Variants in TBRG4 observed in about 807,000 individuals in gnomAD.
TBRG4 encodes the protein transforming growth factor beta regulator 4.
In TBRG4, 43 loss-of-function variants were observed where a neutral mutation model predicts 65.6. The observed-to-expected ratio is 0.66, with a 90% confidence interval of 0.51 to 0.85. The LOEUF is 0.85. Among genes scored for constraint, TBRG4 ranks in the 40% least tolerant of loss-of-function variants. The pLI is 0.00. For synonymous variants in TBRG4, 366 were observed against 341.4 expected, an observed-to-expected ratio of 1.07 and a Z score of -0.79; for missense variants, 709 against 787.9, an observed-to-expected ratio of 0.90 and a Z score of 1.20.
At position 45,111,696 on chromosome 7, in the gene TBRG4, A is replaced by C. The variant is rs1292628878; in HGVS notation, c.-104T>G. On this transcript the variant is annotated 5_prime_UTR_variant, in exon 1 of 11. It removes an upstream start codon present in the reference 5' UTR. Transcript: ENST00000258770. ...CGCCGCCCTAACTGTCCCCGGAACC[A>C]TGAGGTGCGCGGCGCGCTTCCCTAC... 1.9e-5 allele frequency: 25 copies of C among 1,289,170 alleles called. No individual in the cohort carries two copies. The highest frequency in any genetic ancestry group is 2.5e-5 in the Non-Finnish European group (25 of 988,826). 79.9% of individuals were successfully genotyped at this position (1,289,170 alleles called of 1,614,324 possible). A position where few individuals can be genotyped will look rare whatever the true frequency, so the allele number is the denominator to read the frequency against.
chr7:45,104,420 T>C lies in TBRG4; in HGVS notation c.907+118A>G, dbSNP rs544253942. 3.2e-6 allele frequency: 5 copies of C among 1,581,704 alleles called. No individual in the cohort carries two copies. The African/African-American group carries it at 6.7e-5, about 21-fold the overall frequency. On this transcript the variant is annotated intron_variant, in intron 4 of 10. Coordinates refer to ENST00000258770, the MANE Select transcript of TBRG4 (RefSeq NM_004749.4). ...GGGCCCATGAGTCACAGTGTTTCTG[T>C]GGCAGCCTTCTGGGCCAGTGCCTAC...
intron 1 of TBRG4, among the ~76,000 whole-genome samples, chr7:45,109,769 G>A (rs1785074779): frequency 6.6e-6 from 1 of 152,132 alleles, no homozygotes. Context: ...TTGAGGTCAG[G>A]AGTTTGAGAC....
At chr7:45,105,897 A>G in intron 2 of TBRG4, 133 bp from the exon 3 acceptor site, 1 of 1,135,128 alleles carries the variant, frequency 8.8e-7, no homozygotes, top group South Asian at 1.3e-5. Context: ...TCAGTTCCCC[A>G]CTCCATTGTA....
At chr7:45,104,895 T>C (rs2289376) in intron 3 of TBRG4, 186 bp from the exon 4 acceptor site, 464,908 of 982,148 alleles carry the variant, frequency 0.47, 114,599 homozygotes, top group African/African-American at 0.71. Context: ...AGGGAACCCC[T>C]GGACCTGGAG....
chr7:45,101,250 G>A lies in TBRG4; in HGVS notation c.1794+8C>T, dbSNP rs779593063. 2 of 1,611,638 alleles carry A rather than the reference G, an allele frequency of 1.2e-6. No individual in the cohort carries two copies. Among genetic ancestry groups the A allele is most frequent in the South Asian group, 2.2e-5 (2 of 90,914 alleles). ...TGTGCAGTGACCACCTGCCCAAGAG[G>A]TACTCACGTCCACTATCAGGAAGCC... is the stretch of plus-strand genomic sequence containing the variant. On this transcript the variant is annotated splice_region_variant and intron_variant, in intron 10 of 10. Coordinates refer to ENST00000258770, the MANE Select transcript of TBRG4 (RefSeq NM_004749.4).
rs372540143 is a variant in TBRG4, at chr7:45,105,592, G to A, written c.584C>T (p.Ser195Leu). The part of the protein sequence containing the change: ...AFLAESCATL[S>L]QEQHSQELLA... ...CAGCTCCTGCGAGTGCTGCTCCTGT[G>A]AGAGGGTGGCACAGGACTCTGCCAG... The change falls in exon 3 of 11, where the codon TCA becomes TTA. Residue 195 changes from serine to leucine, a missense_variant. Physicochemically the swap from Ser to Leu is moderately radical, Grantham distance 145 (BLOSUM62 -2). Coordinates refer to ENST00000258770, the MANE Select transcript of TBRG4 (RefSeq NM_004749.4). 1.5e-5 allele frequency: 25 copies of A among 1,614,186 alleles called. No homozygotes were observed. The highest frequency in any genetic ancestry group is 2.0e-5 in the Non-Finnish European group (24 of 1,180,046).
rs372855977 is a variant in TBRG4 at position 45,104,517 on chromosome 7, C to T, written c.907+21G>A. Reference sequence around the variant, plus strand: ...AGGGCCAGCGCTCCCCTCTCTCCACCGTTCTGTCCAAAGGGCTCACCATAG... The same window carrying T: ...AGGGCCAGCGCTCCCCTCTCTCCACTGTTCTGTCCAAAGGGCTCACCATAG... On this transcript the variant is annotated intron_variant, in intron 4 of 10. Coordinates refer to ENST00000258770, the MANE Select transcript of TBRG4 (RefSeq NM_004749.4). 37 of 1,613,684 alleles carry T rather than the reference C, an allele frequency of 2.3e-5. No individual in the cohort carries two copies. The African/African-American group carries it at 3.5e-4, about 15-fold the overall frequency.
rs1167569299 is a variant in TBRG4, at chr7:45,101,996, G to C, written c.1396C>G (p.Pro466Ala). 3 of 1,575,876 alleles carry C rather than the reference G, an allele frequency of 1.9e-6. No individual in the cohort carries two copies. The highest frequency in any genetic ancestry group is 2.6e-6 in the Non-Finnish European group (3 of 1,163,794). The stretch of plus-strand genomic sequence containing the variant: ...GGCAGAAGGGGACCCGAGTACTCGG[G>C]GTACTCCAGCAGGGCAGTGGCGTTG... ...HINATALLEY[P>A]EYSGPLLPAS... The change falls in exon 8 of 11, where the codon CCC becomes GCC. Residue 466 changes from proline (P) to alanine (A), a missense_variant. Transcript: ENST00000258770.
chr7:45,105,915 C>G (rs1311650960), intron 2 of TBRG4, 151 bp from the exon 3 acceptor site: 6 of 1,037,458 alleles, frequency 5.8e-6, no homozygotes, highest in Non-Finnish European at 5.9e-6. Flanking sequence ...GTAACAGGGC[C>G]CCAGTGCCTG....
Position 45,105,478 on chromosome 7 carries a change from T to C in TBRG4, c.698A>G (p.His233Arg). 1 of 1,612,254 alleles carries C rather than the reference T, an allele frequency of 6.2e-7. No individual in the cohort carries two copies. Among genetic ancestry groups the C allele is most frequent in the Non-Finnish European group, 8.5e-7 (1 of 1,178,834 alleles). ...TLVTVMMKVG[H>R]LSEPLMNRLE... The stretch of plus-strand genomic sequence containing the variant: ...GCGGTTCATTAGTGGCTCCGAGAGG[T>C]GTCCCACCTTCATCATGACGGTCAC... Residue 233 changes from histidine (H) to arginine (R), a missense_variant, in exon 3 of 11, where the codon CAC (histidine) becomes CGC (arginine). By Grantham distance (29) the His-to-Arg change is conservative. Coordinates refer to ENST00000258770, the MANE Select transcript of TBRG4 (RefSeq NM_004749.4).
At chr7:45,102,732 G>A in intron 6 of TBRG4, 1 of 543,910 alleles carries the variant, frequency 1.8e-6, no homozygotes, top group South Asian at 2.7e-5. Flanking sequence ...GAGTGCTGCT[G>A]AATGCTGGCA....
rs750473862 is a variant in TBRG4 at position 45,105,556 on chromosome 7, A to T, written c.620T>A (p.Leu207Gln). 1 of 1,614,168 alleles carries T rather than the reference A, an allele frequency of 6.2e-7. No homozygotes were observed. The highest frequency in any genetic ancestry group is 8.5e-7 in the Non-Finnish European group (1 of 1,180,038). ...CCAACGCCTTTCCAGGTGTGTGAGC[A>T]GCTCAGCCAGCAGCTCCTGCGAGTG... ...EQHSQELLAE[L>Q]LTHLERRWTE... The change falls in exon 3 of 11, where the codon CTG (leucine) becomes CAG (glutamine). Residue 207 changes from leucine to glutamine, a missense_variant. By Grantham distance (113) the Leu-to-Gln change is moderately radical (BLOSUM62 -2). Transcript: ENST00000258770.
Position 45,109,223 on chromosome 7 carries a change from C to T in TBRG4, c.15G>A (p.Leu5=), listed in dbSNP as rs767154402. MAAH[L]VKRCTCLLRE... is the part of the protein sequence containing the mutation. ...TCAGGAGGCACGTGCATCGCTTTAC[C>T]AGGTGAGCTGCCATGATGTCCTGGG... Residue 5 remains leucine (L), a synonymous_variant, in exon 2 of 11, where the codon CTG becomes CTA. Transcript: ENST00000258770. 5 of 1,598,126 alleles carry T rather than the reference C, an allele frequency of 3.1e-6. No homozygotes were observed. The Admixed American group carries it at 8.7e-5, about 28-fold the overall frequency.
Position 45,106,402 on chromosome 7 carries a change from A to G in TBRG4, c.412-638T>C, listed in dbSNP as rs1784956975. ...CAAGTAAAGCTGTCAAATCAATACA[A>G]GAGGTCAGAGAAAAAGTTGAGCCTG... On this transcript the variant is annotated intron_variant, in intron 2 of 10. Transcript: ENST00000258770. The G allele has an allele frequency of 4.2e-5, 7 of 165,346 alleles. No homozygotes were observed. The South Asian group carries it at 1.1e-3, about 26-fold the overall frequency. The allele number at this position is 165,346 out of a possible 1,614,324, so 10.2% of individuals were successfully genotyped here.
intron 10 of TBRG4, 119 bp downstream of exon 10, chr7:45,101,138 GC>G: frequency 1.1e-6 from 1 of 927,438 alleles, no homozygotes. Context: ...CCTGGGAGAG[GC>G]CCGGGGCCAC....
chr7:45,104,919 C>G lies in TBRG4; in HGVS notation c.736-210G>C, dbSNP rs759924107. ...CTGGACCTGGAGCACTGTCCACAGC[C>G]AAACTTATCCCCAGGTCCCAGGGTA... On this transcript the variant is annotated intron_variant, in intron 3 of 10. Coordinates refer to ENST00000258770, the MANE Select transcript of TBRG4 (RefSeq NM_004749.4). 3.5e-6 allele frequency: 3 copies of G among 848,124 alleles called. No individual in the cohort carries two copies. The Admixed American group carries it at 5.1e-5, about 14-fold the overall frequency. 52.5% of individuals were successfully genotyped at this position (848,124 alleles called of 1,614,324 possible).
chr7:45,103,781 C>T (rs1405730259), intron 5 of TBRG4: 2 of 511,222 alleles, frequency 3.9e-6, no homozygotes, highest in South Asian at 2.6e-5. Flanking sequence ...TTCCACTTTG[C>T]GAGGGGGATC....
At chr7:45,109,714 C>T (rs546407095) in intron 1 of TBRG4, among the ~76,000 whole-genome samples, 5 of 152,170 alleles carry the variant, frequency 3.3e-5, no homozygotes, top group Non-Finnish European at 5.9e-5. Flanking sequence ...TGGTGGCTCA[C>T]GCCTGTAATC....
chr7:45,111,622 TC>T lies in TBRG4; in HGVS notation c.-51+20del, dbSNP rs1562939551. On this transcript the variant is annotated intron_variant, in intron 1 of 10. Transcript: ENST00000258770. ...GAAACCCACGATCAGCCGCCCCTTCTCCCCGTGCCACAAGACCTACGCAGCG... is the reference window on the plus strand; with the variant it reads ...GAAACCCACGATCAGCCGCCCCTTCTCCCGTGCCACAAGACCTACGCAGCG... The T allele has an allele frequency of 1.2e-5, 15 of 1,288,918 alleles. No homozygotes were observed. The highest frequency in any genetic ancestry group is 1.5e-5 in the Non-Finnish European group (15 of 988,754). The allele number at this position is 1,288,918 out of a possible 1,614,324, so 79.8% of individuals were successfully genotyped here.
Sources: allele counts gnomAD v4.1 joint callset (sites outside exome capture counted in the v4.1 genomes callset), GRCh38; gene constraint gnomAD v4.1.1; transcripts MANE v1.5; gene names NCBI Gene and HGNC (gene_info 2026-07-23, HGNC 2026-07-21).